The following ELP4 variants were observed in gnomAD, a reference collection of about 807,000 sequenced individuals.
ELP4 encodes elongator acetyltransferase complex subunit 4.
Under a neutral mutation model 48.9 loss-of-function variants are expected in ELP4, and 51 were observed. The observed-to-expected ratio is 1.04, with a 90% CI of 0.83 to 1.32. The LOEUF (loss-of-function observed/expected upper bound fraction) is 1.32, where lower values mean the gene tolerates loss of function less well. Ranked by LOEUF, ELP4 falls within the 40% of genes most tolerant of loss-of-function variation. ELP4 has a pLI of 0.00. For synonymous variants in ELP4, 210 were observed against 189.2 expected, an observed-to-expected ratio of 1.11 and a Z score of -0.90; for missense variants, 519 against 514.6, an observed-to-expected ratio of 1.01 and a Z score of -0.08.
At chr11:31,554,218 G>T (rs144535081) in intron 3 of ELP4, among the ~76,000 whole-genome samples, 1 of 152,136 alleles carries the variant, frequency 6.6e-6, no homozygotes, top group Non-Finnish European at 1.5e-5. Context: ...CACAATAAAT[G>T]TAATGCTCTT....
chr11:31,682,264 G>C (rs866123897), intron 9 of ELP4, among the ~76,000 whole-genome samples: 5 of 152,114 alleles, frequency 3.3e-5, no homozygotes, highest in African/African-American at 1.2e-4. Flanking sequence ...ATTACTCAAG[G>C]CTGTAATATT....
chr11:31,789,739 G>C lies in ELP4; in HGVS notation c.*6215G>C. 1 of 707,324 alleles carries C rather than the reference G, an allele frequency of 1.4e-6. No individual in the cohort carries two copies. The highest frequency in any genetic ancestry group is 2.6e-6 in the Non-Finnish European group (1 of 386,222). 43.8% of individuals were successfully genotyped at this position (707,324 alleles called of 1,614,324 possible). ...ATGAAGATTTGTTCCAACTGATATC[G>C]TGCCTTCTGTATACAAAGGTCCTTG... On this transcript the variant is annotated 3_prime_UTR_variant, in exon 10 of 10. Transcript: ENST00000640961.
chr11:31,645,388 T>C (rs1051904523), intron 7 of ELP4, among the ~76,000 whole-genome samples: 2 of 151,798 alleles, frequency 1.3e-5, no homozygotes, highest in African/African-American at 4.8e-5. Flanking sequence ...TAGTAAATGT[T>C]AAGATTAAAT....
intron 9 of ELP4, among the ~76,000 whole-genome samples, chr11:31,687,424 T>C (rs992878925): frequency 2.6e-5 from 4 of 152,188 alleles, no homozygotes; most frequent in Admixed American, 2.6e-4. Context: ...CAATGCCAAA[T>C]GCATTGAGCA....
chr11:31,553,725 AACACACAC>A (rs56921821), intron 3 of ELP4, among the ~76,000 whole-genome samples: 438 of 140,494 alleles, frequency 3.1e-3, no homozygotes, highest in African/African-American at 7.3e-3. Flanking sequence ...TGCACACACA[AACACACAC>A]ACACACACAC....
intron 9 of ELP4, among the ~76,000 whole-genome samples, chr11:31,678,034 C>T (rs1363044536): frequency 2.0e-5 from 3 of 152,094 alleles, no homozygotes; most frequent in African/African-American, 7.2e-5. Flanking sequence ...TTCCTCCCTC[C>T]CCCAATGTCT....
At chr11:31,744,344 A>G (rs1248813787) in intron 9 of ELP4, among the ~76,000 whole-genome samples, 4 of 152,220 alleles carry the variant, frequency 2.6e-5, no homozygotes, top group Admixed American at 2.6e-4. Context: ...TCCTTCTGAA[A>G]CTATTCCAAT....
At chr11:31,515,967 C>T (rs187834211) in intron 1 of ELP4, among the ~76,000 whole-genome samples, 10 of 152,058 alleles carry the variant, frequency 6.6e-5, no homozygotes, top group East Asian at 2.0e-4. Flanking sequence ...AAAAATTTGC[C>T]GGGTGTAGTG....
At chr11:31,677,687 T>G (rs1246314711) in intron 9 of ELP4, among the ~76,000 whole-genome samples, 1 of 152,186 alleles carries the variant, frequency 6.6e-6, no homozygotes, top group Non-Finnish European at 1.5e-5. Context: ...TGATGCAAAC[T>G]GTTAATAGAC....
intron 9 of ELP4, among the ~76,000 whole-genome samples, chr11:31,738,758 A>G (rs1213506755): frequency 3.3e-5 from 5 of 152,168 alleles, no homozygotes; most frequent in Non-Finnish European, 1.5e-5. Context: ...AAAAGAAATT[A>G]TAACATATTC....
chr11:31,717,121 C>A (rs1946858055), intron 9 of ELP4, among the ~76,000 whole-genome samples: 1 of 152,060 alleles, frequency 6.6e-6, no homozygotes, highest in South Asian at 2.1e-4. Context: ...TGCCGTAAAC[C>A]TGAGGAATCA....
chr11:31,634,955 G>A (rs555279210), intron 7 of ELP4, among the ~76,000 whole-genome samples: 15 of 151,858 alleles, frequency 9.9e-5, no homozygotes, highest in African/African-American at 3.4e-4. Flanking sequence ...ATTCCTAGAC[G>A]ATTTTGCAAA....
intron 9 of ELP4, chr11:31,682,125 A>T (rs1263507953): frequency 1.7e-6 from 2 of 1,199,126 alleles, no homozygotes; most frequent in Non-Finnish European, 1.1e-6. Context: ...TCAGCGTCCC[A>T]TCCAACTATG....
chr11:31,732,533 A>G (rs148226243), intron 9 of ELP4, among the ~76,000 whole-genome samples: 11 of 152,296 alleles, frequency 7.2e-5, no homozygotes, highest in Admixed American at 4.6e-4. Flanking sequence ...ACAGAAAACA[A>G]CAAAATGGCA....
At chr11:31,557,176 T>A (rs1592114286) in intron 3 of ELP4, among the ~76,000 whole-genome samples, 1 of 151,898 alleles carries the variant, frequency 6.6e-6, no homozygotes, top group South Asian at 2.1e-4. Flanking sequence ...AAATTTTTTT[T>A]ATGGACTTTA....
At chr11:31,598,759 C>T (rs1478807888) in intron 4 of ELP4, among the ~76,000 whole-genome samples, 4 of 152,114 alleles carry the variant, frequency 2.6e-5, no homozygotes, top group African/African-American at 9.6e-5. Flanking sequence ...AATCCTCTCA[C>T]CTTGGCCTCC....
intron 5 of ELP4, among the ~76,000 whole-genome samples, chr11:31,613,647 G>A (rs926217537): frequency 2.0e-4 from 30 of 151,534 alleles, no homozygotes; most frequent in African/African-American, 5.8e-4. Flanking sequence ...GGTGGATTCC[G>A]GATAAGTTTT....
rs542476320 is a variant in ELP4 at position 31,784,783 on chromosome 11, A to T, written c.*1259A>T. ...GTCACTTAAAAAAACCCACTGTAGC[A>T]TAAACACATACTGTATACAGCTTTT... On this transcript the variant is annotated 3_prime_UTR_variant, in exon 10 of 10. Transcript: ENST00000640961. 1 of 172,260 alleles carries T rather than the reference A, an allele frequency of 5.8e-6. No individual in the cohort carries two copies. Among genetic ancestry groups the T allele is most frequent in the East Asian group, 1.0e-4 (1 of 9,658 alleles). The allele number at this position is 172,260 out of a possible 1,614,324, so 10.7% of individuals were successfully genotyped here.
In ELP4 at chr11:31,781,523, A is replaced by G. The variant is rs1400751553; in HGVS notation, c.1144-1870A>G. On this transcript the variant is annotated intron_variant, in intron 9 of 9. Coordinates refer to ENST00000640961, the MANE Select transcript of ELP4 (RefSeq NM_019040.5). ...TTTTTTTTTTTTTTTTTTTTTGGACAGAGTCTTGCTCTATTGCCAGACTGG... is the reference window on the plus strand; with the variant it reads ...TTTTTTTTTTTTTTTTTTTTTGGACGGAGTCTTGCTCTATTGCCAGACTGG... Among the ~76,000 whole-genome samples the G allele has an allele frequency of 3.0e-5, 3 of 99,782 alleles. No homozygotes were observed. In the East Asian group the frequency reaches 8.8e-4, roughly 29 times the overall value. The allele number at this position is 99,782 out of a possible 152,430, so 65.5% of individuals were successfully genotyped here.
Sources: allele counts gnomAD v4.1 joint callset (sites outside exome capture counted in the v4.1 genomes callset), GRCh38; gene constraint gnomAD v4.1.1; transcripts MANE v1.5; gene names NCBI Gene and HGNC (gene_info 2026-07-23, HGNC 2026-07-21).